The following CHIC1 variants were observed in gnomAD, a reference collection of about 807,000 sequenced individuals.
The protein encoded by CHIC1 is cysteine-rich hydrophobic domain-containing protein 1.
In CHIC1, 7 loss-of-function variants were observed where a neutral mutation model predicts 18.5. That is an observed-to-expected ratio of 0.38 (90% CI 0.22 to 0.71). The LOEUF (loss-of-function observed/expected upper bound fraction) is 0.71, where lower values mean the gene tolerates loss of function less well. Ranked by LOEUF, CHIC1 falls within the 30% of genes least tolerant of loss-of-function variation. CHIC1 has a pLI of 0.49. For synonymous variants in CHIC1, 77 were observed against 73.5 expected (o/e 1.05, Z -0.25); for missense variants, 159 against 176.9 (o/e 0.90, Z 0.57).
chrX:73,619,500 A>C (rs1367738444), intron 3 of CHIC1, among the ~76,000 whole-genome samples: 1 of 110,219 alleles, frequency 9.1e-6, no homozygotes, highest in African/African-American at 3.3e-5. Flanking sequence ...TTTTGGTGAA[A>C]GTGATTTTCC....
Position 73,602,162 on chromosome X carries a change from T to C in CHIC1, c.507+17590T>C, listed in dbSNP as rs1241943300. 2.8e-5 allele frequency among the ~76,000 whole-genome samples: 3 copies of C among 108,629 alleles called. No homozygotes were observed. The East Asian group carries it at 8.4e-4, about 30-fold the overall frequency. 94.3% of individuals were successfully genotyped at this position (108,629 alleles called of 115,157 possible). A position where few individuals can be genotyped will look rare whatever the true frequency, so the allele number is the denominator to read the frequency against. ...TACAAACAGGAGCTGGTACCATTCC[T>C]TCTGAAACTATTCCAATCAATAGAA... On this transcript the variant is annotated intron_variant, in intron 3 of 5. Coordinates refer to ENST00000373502, the MANE Select transcript of CHIC1 (RefSeq NM_001039840.4).
chrX:73,671,272 G>A (rs941131508), intron 3 of CHIC1, among the ~76,000 whole-genome samples: 1 of 111,785 alleles, frequency 8.9e-6, no homozygotes, highest in Non-Finnish European at 1.9e-5. Flanking sequence ...CCTTGAAGAC[G>A]ACCTTTTCAG....
intron 3 of CHIC1, among the ~76,000 whole-genome samples, chrX:73,675,207 G>A (rs924278972): frequency 5.4e-5 from 6 of 111,705 alleles, no homozygotes; most frequent in Non-Finnish European, 1.1e-4. Context: ...TGTATATTCT[G>A]TTGATTTGGG....
chrX:73,612,558 G>A (rs2057714083), intron 3 of CHIC1, among the ~76,000 whole-genome samples: 1 of 111,480 alleles, frequency 9.0e-6, no homozygotes, highest in Non-Finnish European at 1.9e-5. Context: ...CTAATTTCTT[G>A]TTAACCCCAT....
In CHIC1 at chrX:73,685,107, T is replaced by A. The variant is rs912608295; in HGVS notation, c.*4102T>A. On this transcript the variant is annotated 3_prime_UTR_variant, in exon 6 of 6. Coordinates refer to ENST00000373502, the MANE Select transcript of CHIC1 (RefSeq NM_001039840.4). ...TGATTCAAGGAATTCTTAGGACATT[T>A]TTACTCTATAGAATCTCAGAATGAT... 52 of 111,572 alleles carry A rather than the reference T, an allele frequency of 4.7e-4. No individual in the cohort carries two copies. The highest frequency in any genetic ancestry group is 1.7e-3 in the African/African-American group (52 of 30,768). 9.2% of individuals were successfully genotyped at this position (111,572 alleles called of 1,213,427 possible). A position where few individuals can be genotyped will look rare whatever the true frequency, so the allele number is the denominator to read the frequency against.
intron 3 of CHIC1, among the ~76,000 whole-genome samples, chrX:73,598,833 T>C (rs1390210066): frequency 9.0e-6 from 1 of 110,634 alleles, no homozygotes; most frequent in Non-Finnish European, 1.9e-5. Context: ...TTAGAGTTCT[T>C]TGGGTATATA....
intron 3 of CHIC1, among the ~76,000 whole-genome samples, chrX:73,611,776 A>G (rs1290676633): frequency 5.6e-5 from 6 of 108,041 alleles, no homozygotes; most frequent in Admixed American, 3.9e-4. Context: ...GCCAGTGATG[A>G]TGAGCATTTT....
At chrX:73,563,176 G>T (rs2057424028), upstream of CHIC1, 3 of 727,202 alleles carry the variant, frequency 4.1e-6, no homozygotes, top group Non-Finnish European at 3.2e-6. Context: ...CTCAAATCCT[G>T]TCCCTACACC....
intron 1 of CHIC1, among the ~76,000 whole-genome samples, chrX:73,574,061 C>T (rs760361314): frequency 8.2e-5 from 9 of 110,044 alleles, no homozygotes; most frequent in South Asian, 3.8e-4. Context: ...GGTGGCTGTG[C>T]GTTTCTCATA....
At chrX:73,640,313 T>TA (rs1479506082) in intron 3 of CHIC1, among the ~76,000 whole-genome samples, 14 of 112,415 alleles carry the variant, frequency 1.2e-4, no homozygotes, top group African/African-American at 4.2e-4. Context: ...TTTAGTTCTG[T>TA]TTATGTGATG....
chrX:73,591,162 T>G (rs2057579846), intron 3 of CHIC1, among the ~76,000 whole-genome samples: 1 of 111,777 alleles, frequency 8.9e-6, no homozygotes, highest in Non-Finnish European at 1.9e-5. Context: ...CACTATTGTT[T>G]TAATTTCTAA....
rs1280255658 is a variant in CHIC1, at chrX:73,683,966, A to G, written c.*2961A>G. ...ACCACTGTAGTAAAACTTTAGAAGA[A>G]GATGGAGAAGTGCCTTGTCTTTTTA... is the stretch of plus-strand genomic sequence containing the variant. On this transcript the variant is annotated 3_prime_UTR_variant, in exon 6 of 6. Transcript: ENST00000373502. 1 of 112,225 alleles carries G rather than the reference A, an allele frequency of 8.9e-6. No individual in the cohort carries two copies. Among genetic ancestry groups the G allele is most frequent in the Admixed American group, 9.5e-5 (1 of 10,500 alleles). 9.2% of individuals were successfully genotyped at this position (112,225 alleles called of 1,213,427 possible).
intron 3 of CHIC1, among the ~76,000 whole-genome samples, chrX:73,667,849 G>A (rs1046580487): frequency 3.6e-5 from 4 of 110,782 alleles, no homozygotes; most frequent in African/African-American, 1.3e-4. Context: ...CATTGGGGAT[G>A]ATCTCGTGGA....
At chrX:73,568,655 T>C (rs73492729) in intron 1 of CHIC1, among the ~76,000 whole-genome samples, 1,779 of 111,395 alleles carry the variant, frequency 0.016, 40 homozygotes, top group African/African-American at 0.055. Context: ...CCACCCTCTT[T>C]GTATTACTTA....
intron 3 of CHIC1, among the ~76,000 whole-genome samples, chrX:73,619,255 T>A (rs2057747862): frequency 9.0e-6 from 1 of 110,841 alleles, no homozygotes; most frequent in Non-Finnish European, 1.9e-5. Context: ...GAGCAAGAGT[T>A]CACAATGTGA....
chrX:73,624,252 A>G (rs1331316878), intron 3 of CHIC1, among the ~76,000 whole-genome samples: 1 of 111,505 alleles, frequency 9.0e-6, no homozygotes, highest in Non-Finnish European at 1.9e-5. Context: ...TTTTCTACCT[A>G]GTTACTACAC....
At chrX:73,680,820 T>C (rs1405616456) in intron 5 of CHIC1, 135 bp from the exon 6 acceptor site, 7 of 328,428 alleles carry the variant, frequency 2.1e-5, no homozygotes. Context: ...ATTTTTTTCA[T>C]GTATTTCACT....
intron 3 of CHIC1, among the ~76,000 whole-genome samples, chrX:73,676,339 A>G (rs965806205): frequency 3.6e-5 from 4 of 111,987 alleles, no homozygotes; most frequent in Admixed American, 9.4e-5. Context: ...TCCAACTTGG[A>G]TCCATTCTCC....
chrX:73,673,119 T>G (rs1428621630), intron 3 of CHIC1, among the ~76,000 whole-genome samples: 3 of 112,056 alleles, frequency 2.7e-5, no homozygotes, highest in Non-Finnish European at 5.6e-5. Flanking sequence ...ATCTGTTTTG[T>G]TACCAGTACC....
Sources: allele counts gnomAD v4.1 joint callset (sites outside exome capture counted in the v4.1 genomes callset), GRCh38; gene constraint gnomAD v4.1.1; transcripts MANE v1.5; gene names NCBI Gene and HGNC (gene_info 2026-07-23, HGNC 2026-07-21).